The following KHDRBS2 variants were observed in gnomAD, a reference collection of about 807,000 sequenced individuals.
KHDRBS2 encodes the protein KH domain-containing, RNA-binding, signal transduction-associated protein 2.
Under a neutral mutation model 44.3 loss-of-function variants are expected in KHDRBS2, and 26 were observed. That is an observed-to-expected ratio of 0.59 (90% CI 0.43 to 0.81). The LOEUF (loss-of-function observed/expected upper bound fraction) is 0.81, where lower values mean the gene tolerates loss of function less well. Among genes scored for constraint, KHDRBS2 ranks in the 40% least tolerant of loss-of-function variants. The pLI is 0.00. For missense variants in KHDRBS2, 476 were observed against 433.1 expected, an observed-to-expected ratio of 1.10 and a Z score of -0.88; for synonymous variants, 194 against 151.1, an observed-to-expected ratio of 1.28 and a Z score of -2.08.
At chr6:62,276,896 T>G (rs552820132) in intron 1 of KHDRBS2, among the ~76,000 whole-genome samples, 1 of 152,200 alleles carries the variant, frequency 6.6e-6, no homozygotes, top group Non-Finnish European at 1.5e-5. Context: ...ACTTTACAAT[T>G]TCTTTGCTGT....
At chr6:62,210,754 ACT>A (rs1377833710) in intron 1 of KHDRBS2, among the ~76,000 whole-genome samples, 3 of 152,258 alleles carry the variant, frequency 2.0e-5, no homozygotes, top group Non-Finnish European at 2.9e-5. Flanking sequence ...TTAAATTAAC[ACT>A]CTGATTCAAT....
chr6:61,976,184 C>A (rs1213191885), intron 4 of KHDRBS2, among the ~76,000 whole-genome samples: 2 of 152,106 alleles, frequency 1.3e-5, no homozygotes, highest in African/African-American at 4.8e-5. Context: ...ATCCCCTGCA[C>A]CACTCCTCAT....
At chr6:61,637,139 C>T in the KHDRBS2 span, among the ~76,000 whole-genome samples, 54 of 152,128 alleles carry the variant, frequency 3.5e-4, no homozygotes, top group African/African-American at 1.2e-3. Context: ...CCCACTAACT[C>T]GTCATCTAGC....
intron 1 of KHDRBS2, among the ~76,000 whole-genome samples, chr6:62,216,069 G>C (rs1425280344): frequency 6.6e-6 from 1 of 151,532 alleles, no homozygotes; most frequent in Non-Finnish European, 1.5e-5. Flanking sequence ...CATGCATGTT[G>C]GATTGATCTT....
chr6:61,590,755 T>C, the KHDRBS2 span, among the ~76,000 whole-genome samples: 37 of 152,282 alleles, frequency 2.4e-4, no homozygotes, highest in South Asian at 6.6e-3. Context: ...CAATATGACA[T>C]AGTTATTCAA....
At chr6:61,844,028 T>C (rs964476133) in intron 6 of KHDRBS2, among the ~76,000 whole-genome samples, 1 of 152,196 alleles carries the variant, frequency 6.6e-6, no homozygotes, top group African/African-American at 2.4e-5. Flanking sequence ...ATCTGAGCTG[T>C]TTTAAAATTT....
At chr6:62,020,502 A>AGAGTTTGTCTAC in intron 3 of KHDRBS2, among the ~76,000 whole-genome samples, 1 of 152,068 alleles carries the variant, frequency 6.6e-6, no homozygotes, top group South Asian at 2.1e-4. Flanking sequence ...CTCTATCCTT[A>AGAGTTTGTCTAC]ATGATTGTCT....
At chr6:61,881,922 A>G (rs1800264175) in intron 6 of KHDRBS2, among the ~76,000 whole-genome samples, 1 of 152,028 alleles carries the variant, frequency 6.6e-6, no homozygotes, top group Non-Finnish European at 1.5e-5. Flanking sequence ...TTGTAGCTAT[A>G]TTATTTAATC....
At chr6:62,121,283 A>T (rs547647860) in intron 2 of KHDRBS2, among the ~76,000 whole-genome samples, 103 of 152,270 alleles carry the variant, frequency 6.8e-4, no homozygotes, top group African/African-American at 2.4e-3. Context: ...GTAAATCAAA[A>T]ACAACATTCC....
At chr6:61,730,621 A>G (rs1285178969) in intron 7 of KHDRBS2, among the ~76,000 whole-genome samples, 1 of 152,130 alleles carries the variant, frequency 6.6e-6, no homozygotes, top group Non-Finnish European at 1.5e-5. Context: ...TCTCCAAAAC[A>G]CAATAAAGAA....
chr6:61,857,480 A>G (rs1462819754), intron 6 of KHDRBS2, among the ~76,000 whole-genome samples: 1 of 151,962 alleles, frequency 6.6e-6, no homozygotes, highest in Non-Finnish European at 1.5e-5. Flanking sequence ...AGGCTGGCAT[A>G]CAGATATTTT....
At chr6:61,698,720 T>C (rs1561984574) in intron 7 of KHDRBS2, among the ~76,000 whole-genome samples, 1 of 152,076 alleles carries the variant, frequency 6.6e-6, no homozygotes, top group Non-Finnish European at 1.5e-5. Flanking sequence ...TAACACTTTC[T>C]CCTTGCTCAC....
At chr6:61,758,284 A>G (rs1200711297) in intron 6 of KHDRBS2, among the ~76,000 whole-genome samples, 2 of 152,006 alleles carry the variant, frequency 1.3e-5, no homozygotes, top group African/African-American at 4.8e-5. Context: ...TATATTTTGT[A>G]TGTTTTTTGT....
chr6:61,723,848 T>A (rs556023605), intron 7 of KHDRBS2, among the ~76,000 whole-genome samples: 80 of 152,278 alleles, frequency 5.3e-4, no homozygotes, highest in African/African-American at 1.9e-3. Context: ...TATGACTGAT[T>A]GGGGTACCTG....
intron 2 of KHDRBS2, among the ~76,000 whole-genome samples, chr6:62,071,877 G>T (rs1304526725): frequency 5.3e-5 from 8 of 152,150 alleles, no homozygotes; most frequent in Admixed American, 3.3e-4. Flanking sequence ...ATTCTGTGAA[G>T]AAAGTCATTG....
At chr6:62,261,462 C>A (rs1308790156) in intron 1 of KHDRBS2, among the ~76,000 whole-genome samples, 1 of 151,750 alleles carries the variant, frequency 6.6e-6, no homozygotes, top group Admixed American at 6.6e-5. Flanking sequence ...TAAAATAATA[C>A]CAAAAAGCAT....
At chr6:62,240,659 T>A (rs1834463671) in intron 1 of KHDRBS2, among the ~76,000 whole-genome samples, 1 of 118,642 alleles carries the variant, frequency 8.4e-6, no homozygotes, top group South Asian at 2.6e-4. Context: ...TATGTGTGTA[T>A]GTATGTGTGT....
At chr6:62,240,310 C>A (rs1256177981) in intron 1 of KHDRBS2, among the ~76,000 whole-genome samples, 1 of 151,928 alleles carries the variant, frequency 6.6e-6, no homozygotes, top group Admixed American at 6.6e-5. Context: ...TCTTTACTTT[C>A]TAGTACTAAA....
intron 4 of KHDRBS2, among the ~76,000 whole-genome samples, chr6:61,962,343 C>T (rs184491322): frequency 6.6e-6 from 1 of 152,128 alleles, no homozygotes; most frequent in Admixed American, 6.6e-5. Context: ...TGGGCACAAC[C>T]AATAATATTC....
Sources: gnomAD v4.1 joint callset for allele counts (sites outside exome capture counted in the v4.1 genomes callset) on GRCh38, gnomAD v4.1.1 for gene constraint, MANE v1.5 for transcripts, NCBI Gene and HGNC (gene_info 2026-07-23, HGNC 2026-07-21) for gene names.